Variants in FAM98A observed in about 807,000 individuals in gnomAD.
FAM98A encodes tRNA splicing ligase complex subunit 3A.
FAM98A carries 25 observed loss-of-function variants against 62.9 expected under a neutral mutation model. The observed-to-expected ratio is 0.40, with a 90% CI of 0.29 to 0.56. FAM98A has a LOEUF of 0.56. FAM98A is among the 20% of genes least tolerant of loss of function. FAM98A has a pLI of 0.51. For missense variants in FAM98A, 653 were observed against 640.7 expected, an observed-to-expected ratio of 1.02 and a Z score of -0.21; for synonymous variants, 252 against 228.6, an observed-to-expected ratio of 1.10 and a Z score of -0.92.
chr2:33,585,533 A>T lies in FAM98A; in HGVS notation c.885T>A (p.Asn295Lys), dbSNP rs141154893. 6.2e-7 allele frequency: 1 copy of T among 1,614,214 alleles called. No individual in the cohort carries two copies. Among genetic ancestry groups the T allele is most frequent in the Non-Finnish European group, 8.5e-7 (1 of 1,180,032 alleles). ...SIREKTACAI[N>K]KVLMGRVPDR... is the part of the protein sequence containing the mutation. ...AAATTAAAGGTACTCTAATCACCTT[A>T]TTGATGGCACAGGCAGTCTTTTCTC... The change falls in exon 7 of 8, where the codon AAT becomes AAA. Residue 295 changes from asparagine (N) to lysine (K), a missense_variant. Transcript: ENST00000238823.
At chr2:33,594,682 CACAT>C (rs1677760932) in intron 2 of FAM98A, among the ~76,000 whole-genome samples, 1 of 108,896 alleles carries the variant, frequency 9.2e-6, no homozygotes, top group African/African-American at 5.5e-5. Flanking sequence ...TATATATACA[CACAT>C]ATATATACAC....
rs34007281 is a variant in FAM98A, at chr2:33,595,539, G to A, written c.152C>T (p.Ser51Phe). 813 of 1,610,354 alleles carry A rather than the reference G, an allele frequency of 5.0e-4. 1 individual carries two copies. Among genetic ancestry groups the A allele is most frequent in the Non-Finnish European group, 6.3e-4 (745 of 1,178,604 alleles). ...TAGTTTACAGAGCACTCTTAATTCA[G>A]ACACCAGCCAAGCACAGAGTTTGGT... The part of the protein sequence containing the change: ...EFTKLCAWLV[S>F]ELRVLCKLEE... The change falls in exon 2 of 8, where the codon TCT becomes TTT. Residue 51 changes from serine to phenylalanine, a missense_variant. Ser to Phe is a radical substitution (Grantham distance 155, BLOSUM62 -2). Coordinates refer to ENST00000238823, the MANE Select transcript of FAM98A (RefSeq NM_015475.5).
chr2:33,585,608 A>G lies in FAM98A; in HGVS notation c.810T>C (p.Ala270=). Residue 270 remains alanine, a synonymous_variant, in exon 7 of 8, where the codon GCT becomes GCC. Transcript: ENST00000238823. ...AAATCTTTGACAAGTCCTGCCTTGCAGCCAAAAGATGGGCAACAGAAATAG... is the reference window on the plus strand; with the variant it reads ...AAATCTTTGACAAGTCCTGCCTTGCGGCCAAAAGATGGGCAACAGAAATAG... The part of the protein sequence containing the change: ...KTTISVAHLL[A]ARQDLSKILR... 6.2e-7 allele frequency: 1 copy of G among 1,614,220 alleles called. No individual in the cohort carries two copies. The highest frequency in any genetic ancestry group is 1.1e-5 in the South Asian group (1 of 91,080).
intron 1 of FAM98A, among the ~76,000 whole-genome samples, chr2:33,598,654 C>T (rs1296648893): frequency 6.6e-6 from 1 of 152,126 alleles, no homozygotes; most frequent in African/African-American, 2.4e-5. Context: ...GGAACAGATG[C>T]AGCGCCCATA....
At position 33,585,430 on chromosome 2, in the gene FAM98A, C is replaced by T. The variant is rs762814942; in HGVS notation, c.903G>A (p.Arg301=). ...TGGGTCTACCACCTCTGTCAGGCAC[C>T]CTGCCCATCAACACCTACAGAATAG... The part of the protein sequence containing the change: ...ACAINKVLMG[R]VPDRGGRPNE... Residue 301 remains arginine, a synonymous_variant, in exon 8 of 8, where the codon AGG becomes AGA. Transcript: ENST00000238823. The T allele has an allele frequency of 3.1e-6, 5 of 1,614,082 alleles. No individual in the cohort carries two copies. In the South Asian group the frequency reaches 3.3e-5, roughly 11 times the overall value.
At chr2:33,594,819 A>G (rs1382035876) in intron 2 of FAM98A, among the ~76,000 whole-genome samples, 1 of 152,080 alleles carries the variant, frequency 6.6e-6, no homozygotes, top group Middle Eastern at 3.2e-3. Context: ...TTAACAGGTG[A>G]GTATTTTCCT....
chr2:33,596,372 C>A (rs539643920), intron 1 of FAM98A, among the ~76,000 whole-genome samples: 40 of 152,192 alleles, frequency 2.6e-4, no homozygotes, highest in Admixed American at 2.4e-3. Flanking sequence ...GCATCTGAAT[C>A]CTAATCCTTT....
intron 2 of FAM98A, among the ~76,000 whole-genome samples, chr2:33,595,234 G>A (rs1242770889): frequency 6.6e-6 from 1 of 151,918 alleles, no homozygotes; most frequent in African/African-American, 2.4e-5. Flanking sequence ...TATGCTTGTG[G>A]TCTCCATTTC....
Position 33,585,203 on chromosome 2 carries a change from T to A in FAM98A, c.1130A>T (p.Asn377Ile), listed in dbSNP as rs772093703. 1.9e-6 allele frequency: 3 copies of A among 1,613,878 alleles called. No individual in the cohort carries two copies. The Admixed American group carries it at 5.0e-5, about 27-fold the overall frequency. Residue 377 changes from asparagine (N) to isoleucine (I), a missense_variant, in exon 8 of 8, where the codon AAT becomes ATT. Physicochemically the swap from Asn to Ile is moderately radical, Grantham distance 149 (BLOSUM62 -3). Coordinates refer to ENST00000238823, the MANE Select transcript of FAM98A (RefSeq NM_015475.5). The part of the protein sequence containing the change: ...DHGGRGGGRG[N>I]KHQGGWTDGG... ...ATCTGTCCAGCCTCCTTGATGCTTA[T>A]TTCCTCTTCCTCCCCCTCGGCCACC... is the stretch of plus-strand genomic sequence containing the variant.
At chr2:33,587,920 A>T (rs1677592680) in intron 4 of FAM98A, among the ~76,000 whole-genome samples, 1 of 151,574 alleles carries the variant, frequency 6.6e-6, no homozygotes, top group South Asian at 2.1e-4. Context: ...AAGTGACTGG[A>T]TTAAAAAACA....
Position 33,585,276 on chromosome 2 carries a change from C to T in FAM98A, c.1057G>A (p.Gly353Ser), listed in dbSNP as rs746128766. 3 of 1,613,916 alleles carry T rather than the reference C, an allele frequency of 1.9e-6. No individual in the cohort carries two copies. The African/African-American group carries it at 4.0e-5, about 22-fold the overall frequency. Residue 353 changes from glycine to serine, a missense_variant, in exon 8 of 8, where the codon GGT becomes AGT. Transcript: ENST00000238823. ...CCTCTCCCGCCTCCTTGTTCATGAC[C>T]TCCTCGTCCTCCGTATGAGGAATGT... ...YEHSSYGGRG[G>S]HEQGGGRGGR...
chr2:33,589,005 A>C (rs1346754252), intron 3 of FAM98A: 1 of 152,264 alleles, frequency 6.6e-6, no homozygotes, highest in East Asian at 1.9e-4. Flanking sequence ...GTGTGAAACA[A>C]CATTTATAAG....
At position 33,599,266 on chromosome 2, in the gene FAM98A, C is replaced by G. The variant is rs375636877; in HGVS notation, c.-45G>C. 51 of 1,515,042 alleles carry G rather than the reference C, an allele frequency of 3.4e-5. No homozygotes were observed. The highest frequency in any genetic ancestry group is 3.4e-4 in the Middle Eastern group (2 of 5,890). The allele number at this position is 1,515,042 out of a possible 1,614,324, so 93.8% of individuals were successfully genotyped here. A position where few individuals can be genotyped will look rare whatever the true frequency, so the allele number is the denominator to read the frequency against. On this transcript the variant is annotated 5_prime_UTR_variant, in exon 1 of 8. Transcript: ENST00000238823. ...TTCCGAGTCGTCAGGCTCCCCTCTT[C>G]GCCGGCAACGCGTACACTCGCGCAT...
At chr2:33,597,632 G>A (rs77149971) in intron 1 of FAM98A, among the ~76,000 whole-genome samples, 3,675 of 152,194 alleles carry the variant, frequency 0.024, 52 homozygotes, top group East Asian at 0.053. Context: ...CAGCATCCGT[G>A]GCCAATTCTT....
chr2:33,591,071 G>A (rs777578505), intron 3 of FAM98A, among the ~76,000 whole-genome samples: 1 of 152,078 alleles, frequency 6.6e-6, no homozygotes. Context: ...AGCAATATCA[G>A]TATCTAAAGC....
intron 5 of FAM98A, 195 bp from the exon 6 acceptor site, chr2:33,586,873 A>G: frequency 6.9e-6 from 4 of 580,884 alleles, no homozygotes; most frequent in Non-Finnish European, 1.2e-5. Context: ...AACATAATGA[A>G]GAGTATGTGA....
At chr2:33,590,806 A>G (rs1024702760) in intron 3 of FAM98A, among the ~76,000 whole-genome samples, 1 of 152,182 alleles carries the variant, frequency 6.6e-6, no homozygotes, top group African/African-American at 2.4e-5. Flanking sequence ...ACTTACATTC[A>G]AGTGGTTTGT....
At chr2:33,594,021 C>G (rs543157006) in intron 2 of FAM98A, among the ~76,000 whole-genome samples, 1 of 152,278 alleles carries the variant, frequency 6.6e-6, no homozygotes, top group East Asian at 1.9e-4. Context: ...GGGTTGAAAC[C>G]AGGCTTCACC....
intron 3 of FAM98A, 64 bp from the exon 4 acceptor site, chr2:33,588,583 G>A (rs1412755545): frequency 1.0e-5 from 14 of 1,385,406 alleles, no homozygotes; most frequent in Non-Finnish European, 1.4e-5. Context: ...TAAGTCTGGA[G>A]TCACAACTAT....
Sources: gnomAD v4.1 joint callset for allele counts (sites outside exome capture counted in the v4.1 genomes callset) on GRCh38, gnomAD v4.1.1 for gene constraint, MANE v1.5 for transcripts, NCBI Gene and HGNC (gene_info 2026-07-23, HGNC 2026-07-21) for gene names.